The following INTS8 variants were observed in gnomAD, a reference collection of about 807,000 sequenced individuals.
The protein encoded by INTS8 is integrator complex subunit 8.
In INTS8, 47 loss-of-function variants were observed where a neutral mutation model predicts 138.9. The ratio of observed to expected loss-of-function variants is 0.34; its 90% CI spans 0.27 to 0.43. The LOEUF (loss-of-function observed/expected upper bound fraction) is 0.43. Ranked by LOEUF, INTS8 falls within the 20% of genes least tolerant of loss-of-function variation. INTS8 has a pLI of 1.00. For synonymous variants in INTS8, 392 were observed against 400.9 expected, an observed-to-expected ratio of 0.98 and a Z score of 0.27; for missense variants, 996 against 1,173.0, an observed-to-expected ratio of 0.85 and a Z score of 2.20.
chr8:94,836,491 T>C, intron 6 of INTS8, 33 bp from the exon 7 acceptor site: 1 of 1,541,804 alleles, frequency 6.5e-7, no homozygotes, highest in Non-Finnish European at 8.9e-7. Context: ...CCTGAGAAAT[T>C]GTTAAGCAAA....
Position 94,874,600 on chromosome 8 carries a change from C to T in INTS8, c.2686C>T (p.Gln896Ter). The T allele has an allele frequency of 6.4e-7, 1 of 1,558,318 alleles. No homozygotes were observed. The highest frequency in any genetic ancestry group is 8.8e-7 in the Non-Finnish European group (1 of 1,130,076). The change falls in exon 23 of 27, where the codon CAG becomes TAG. Residue 896 changes from glutamine (Q) to a stop codon, truncating the protein, a stop_gained and splice_region_variant. Coordinates refer to ENST00000523731, the MANE Select transcript of INTS8 (RefSeq NM_017864.4). LOFTEE classifies it high-confidence loss of function. ...KCCSLLNCHT[Q>*]VAILCQFLRE... Reference sequence around the variant, plus strand: ...TTGTTCTTTGCTGAATTGCCACACACAGGTTAGTTTATAATATTATGAAGT... The same window carrying T: ...TTGTTCTTTGCTGAATTGCCACACATAGGTTAGTTTATAATATTATGAAGT...
intron 15 of INTS8, among the ~76,000 whole-genome samples, 178 bp from the exon 16 acceptor site, chr8:94,859,333 C>T (rs55843937): frequency 0.024 from 3,567 of 151,680 alleles, 117 homozygotes; most frequent in African/African-American, 0.08. Flanking sequence ...AGGCTGGTCT[C>T]AAACTCCTGG....
intron 16 of INTS8, among the ~76,000 whole-genome samples, chr8:94,862,511 T>C (rs888388075): frequency 1.3e-5 from 2 of 152,218 alleles, no homozygotes; most frequent in East Asian, 1.9e-4. Flanking sequence ...GTGTAATGAA[T>C]GCTTGAGGGT....
chr8:94,876,394 C>A, intron 25 of INTS8, 52 bp from the exon 26 acceptor site: 1 of 1,385,066 alleles, frequency 7.2e-7, no homozygotes, highest in Non-Finnish European at 1.0e-6. Flanking sequence ...AGTTGAGATT[C>A]TCTCATTATA....
chr8:94,825,617 C>G (rs939456071), intron 2 of INTS8, among the ~76,000 whole-genome samples: 1 of 151,982 alleles, frequency 6.6e-6, no homozygotes, highest in Non-Finnish European at 1.5e-5. Flanking sequence ...GAATGATTTG[C>G]TGTTGAATAA....
chr8:94,860,126 A>G (rs1056949365), intron 16 of INTS8: 1 of 153,182 alleles, frequency 6.5e-6, no homozygotes, highest in African/African-American at 2.4e-5. Flanking sequence ...TTGTTGTCTT[A>G]ATTATATCCT....
rs1183165673 is a variant in INTS8, at chr8:94,865,607, T to C, written c.2178T>C (p.Ser726=). Residue 726 remains serine (S), a synonymous_variant, in exon 17 of 27, where the codon AGT becomes AGC. Coordinates refer to ENST00000523731, the MANE Select transcript of INTS8 (RefSeq NM_017864.4). ...DLWEVVVQIC[S]VSSQHKRGND... ...GGGAAGTTGTTGTTCAAATCTGTAGTGTGTCCAGTCAGCACAAACGAGGAA... is the reference window on the plus strand; with the variant it reads ...GGGAAGTTGTTGTTCAAATCTGTAGCGTGTCCAGTCAGCACAAACGAGGAA... 2 of 1,614,032 alleles carry C rather than the reference T, an allele frequency of 1.2e-6. No individual in the cohort carries two copies. The highest frequency in any genetic ancestry group is 2.7e-5 in the African/African-American group (2 of 74,938).
At chr8:94,831,441 A>C (rs1814708082) in intron 5 of INTS8, among the ~76,000 whole-genome samples, 1 of 150,906 alleles carries the variant, frequency 6.6e-6, no homozygotes, top group South Asian at 2.1e-4. Context: ...TTTCTACAGA[A>C]AAAAGATACC....
chr8:94,858,807 G>A (rs1815847467), intron 15 of INTS8, among the ~76,000 whole-genome samples: 1 of 152,190 alleles, frequency 6.6e-6, no homozygotes, highest in African/African-American at 2.4e-5. Context: ...TAAATCATTA[G>A]TCTCTTTGTG....
chr8:94,867,758 A>G (rs1373868949), intron 20 of INTS8: 3 of 157,270 alleles, frequency 1.9e-5, no homozygotes, highest in Admixed American at 6.4e-5. Context: ...TCCTGACCTC[A>G]AGTGATCTGC....
chr8:94,842,241 T>C (rs1318958141), intron 9 of INTS8, 106 bp from the exon 10 acceptor site: 4 of 647,806 alleles, frequency 6.2e-6, no homozygotes, highest in African/African-American at 3.7e-5. Context: ...TCTAAAATCT[T>C]ACCTCTTAAG....
chr8:94,857,894 A>G (rs1225343398), intron 15 of INTS8, among the ~76,000 whole-genome samples: 2 of 152,220 alleles, frequency 1.3e-5, no homozygotes, highest in Non-Finnish European at 2.9e-5. Flanking sequence ...GAGAAACTAT[A>G]TTGCAATGTT....
chr8:94,843,033 A>G (rs1381403689), intron 10 of INTS8, among the ~76,000 whole-genome samples: 2 of 151,794 alleles, frequency 1.3e-5, no homozygotes, highest in Non-Finnish European at 2.9e-5. Flanking sequence ...GGTCTTTACA[A>G]CCTCCTCTAC....
chr8:94,824,996 T>A lies in INTS8; in HGVS notation c.234T>A (p.Asn78Lys), dbSNP rs758853637. 9 of 1,612,302 alleles carry A rather than the reference T, an allele frequency of 5.6e-6. No homozygotes were observed. The highest frequency in any genetic ancestry group is 1.1e-5 in the South Asian group (1 of 91,018). Residue 78 changes from asparagine (N) to lysine (K), a missense_variant, in exon 2 of 27, where the codon AAT becomes AAA. Coordinates refer to ENST00000523731, the MANE Select transcript of INTS8 (RefSeq NM_017864.4). ...AACCTCCGCCTGATAACAAGAGAAATCGTATTTTAAAACTACTTGCTCTTA... is the reference window on the plus strand; with the variant it reads ...AACCTCCGCCTGATAACAAGAGAAAACGTATTTTAAAACTACTTGCTCTTA... ...QVQPPPDNKR[N>K]RILKLLALKV...
At chr8:94,850,639 A>T (rs1037611070) in intron 12 of INTS8, among the ~76,000 whole-genome samples, 1 of 149,146 alleles carries the variant, frequency 6.7e-6, no homozygotes, top group African/African-American at 2.5e-5. Context: ...AAAGATTTTC[A>T]CCGGAGAAAT....
At chr8:94,853,552 T>C (rs979123159) in intron 13 of INTS8, among the ~76,000 whole-genome samples, 1 of 152,192 alleles carries the variant, frequency 6.6e-6, no homozygotes, top group Non-Finnish European at 1.5e-5. Flanking sequence ...TGAATTAATA[T>C]ATATAAAACT....
intron 2 of INTS8, among the ~76,000 whole-genome samples, chr8:94,825,807 A>AT (rs1195233191): frequency 4.6e-5 from 7 of 151,046 alleles, no homozygotes; most frequent in South Asian, 2.1e-4. Context: ...AATTTAAAAA[A>AT]TAGGAAATAA....
chr8:94,861,075 A>G (rs1815952760), intron 16 of INTS8, among the ~76,000 whole-genome samples: 2 of 149,686 alleles, frequency 1.3e-5, no homozygotes, highest in South Asian at 4.2e-4. Context: ...AAAAAAAAAA[A>G]TCCTTTAAAT....
chr8:94,867,989 TC>T (rs1365279840), intron 20 of INTS8: 1 of 152,240 alleles, frequency 6.6e-6, no homozygotes, highest in Admixed American at 6.5e-5. Flanking sequence ...GAAAGTGATT[TC>T]TTTTTTCATA....
Sources: allele counts gnomAD v4.1 joint callset (sites outside exome capture counted in the v4.1 genomes callset), GRCh38; gene constraint gnomAD v4.1.1; transcripts MANE v1.5; gene names NCBI Gene and HGNC (gene_info 2026-07-23, HGNC 2026-07-21).